The following VPS13B variants were observed in gnomAD, a reference collection of about 807,000 sequenced individuals.
The protein encoded by VPS13B is vacuolar protein sorting 13 homolog B.
A neutral mutation model predicts 426.4 loss-of-function variants in VPS13B; 285 were observed. The observed-to-expected ratio is 0.67, with a 90% CI of 0.61 to 0.74. VPS13B has a LOEUF of 0.74. Ranked by LOEUF, VPS13B falls within the 30% of genes least tolerant of loss-of-function variation. The pLI is 0.00. For synonymous variants in VPS13B, 1,676 were observed against 1,676.4 expected, an observed-to-expected ratio of 1.00 and a Z score of 0.01; for missense variants, 4,537 against 4,782.6, an observed-to-expected ratio of 0.95 and a Z score of 1.51.
At chr8:99,191,662 G>A (rs767565821) in intron 16 of VPS13B, among the ~76,000 whole-genome samples, 5 of 151,988 alleles carry the variant, frequency 3.3e-5, no homozygotes, top group African/African-American at 4.8e-5. Flanking sequence ...GATTACAGGT[G>A]TGAGCCACCG....
chr8:99,556,201 C>T (rs995352387), intron 30 of VPS13B, among the ~76,000 whole-genome samples: 130 of 152,092 alleles, frequency 8.5e-4, no homozygotes, highest in African/African-American at 2.7e-3. Flanking sequence ...AAAAGAGTAA[C>T]GTGCCAGGAA....
chr8:99,430,389 A>G (rs1401557061), intron 21 of VPS13B, among the ~76,000 whole-genome samples: 1 of 152,118 alleles, frequency 6.6e-6, no homozygotes, highest in Non-Finnish European at 1.5e-5. Flanking sequence ...TGATTTATTT[A>G]TTTTATGCTA....
intron 40 of VPS13B, among the ~76,000 whole-genome samples, chr8:99,769,310 A>C (rs1426113727): frequency 6.6e-6 from 1 of 152,258 alleles, no homozygotes; most frequent in Admixed American, 6.5e-5. Context: ...ATAAAACACT[A>C]TTAAGGATTA....
intron 33 of VPS13B, among the ~76,000 whole-genome samples, chr8:99,603,898 T>G (rs545570771): frequency 6.6e-6 from 1 of 152,276 alleles, no homozygotes; most frequent in African/African-American, 2.4e-5. Flanking sequence ...GCTTACAGGT[T>G]TGAGATGGGT....
intron 24 of VPS13B, among the ~76,000 whole-genome samples, chr8:99,478,479 T>G (rs1250925012): frequency 2.7e-5 from 4 of 147,402 alleles, no homozygotes; most frequent in Admixed American, 1.3e-4. Flanking sequence ...TTTTGTTTTT[T>G]TTTTTTTGCC....
chr8:99,721,949 T>C (rs1833149966), intron 39 of VPS13B, among the ~76,000 whole-genome samples: 1 of 152,238 alleles, frequency 6.6e-6, no homozygotes, highest in African/African-American at 2.4e-5. Context: ...GCTAAACTGA[T>C]ATTTTTTAAA....
chr8:99,366,751 A>G (rs1192064244), intron 19 of VPS13B, among the ~76,000 whole-genome samples: 1 of 150,620 alleles, frequency 6.6e-6, no homozygotes. Context: ...TTTTTTGTGT[A>G]TCTGTTGTAT....
intron 3 of VPS13B, among the ~76,000 whole-genome samples, chr8:99,040,178 AAC>A (rs1234413818): frequency 2.0e-5 from 3 of 152,196 alleles, no homozygotes; most frequent in African/African-American, 7.2e-5. Flanking sequence ...AACATGTTTT[AAC>A]AGAGGCAAAT....
chr8:99,028,924 G>A (rs1214096813), intron 2 of VPS13B, among the ~76,000 whole-genome samples: 4 of 122,770 alleles, frequency 3.3e-5, no homozygotes, highest in Admixed American at 2.3e-4. Context: ...GGGCGGAGAC[G>A]CTCCTCACTT....
intron 8 of VPS13B, among the ~76,000 whole-genome samples, chr8:99,122,536 G>A (rs889642974): frequency 1.3e-5 from 2 of 151,964 alleles, no homozygotes; most frequent in Non-Finnish European, 2.9e-5. Flanking sequence ...GTTCTTCTTT[G>A]ATCATATTTT....
At chr8:99,183,158 A>G (rs948823527) in intron 16 of VPS13B, among the ~76,000 whole-genome samples, 5 of 152,210 alleles carry the variant, frequency 3.3e-5, no homozygotes, top group African/African-American at 1.2e-4. Flanking sequence ...TTTTAATACA[A>G]AGATATGTCA....
intron 19 of VPS13B, among the ~76,000 whole-genome samples, chr8:99,358,273 A>G (rs1812299937): frequency 6.6e-6 from 1 of 152,198 alleles, no homozygotes; most frequent in South Asian, 2.1e-4. Flanking sequence ...TGAGAACTGA[A>G]TAAAAATGTT....
At chr8:99,871,820 G>C (rs1204465733) in intron 61 of VPS13B, 123 bp downstream of exon 61, 6 of 1,547,758 alleles carry the variant, frequency 3.9e-6, no homozygotes, top group South Asian at 1.1e-5. Context: ...AGACCAAGGA[G>C]AGCTGCTACC....
At chr8:99,401,858 C>T (rs1184237659) in intron 21 of VPS13B, among the ~76,000 whole-genome samples, 1 of 152,094 alleles carries the variant, frequency 6.6e-6, no homozygotes, top group East Asian at 1.9e-4. Context: ...GAGCGAGACT[C>T]CATCTCTAAA....
intron 19 of VPS13B, among the ~76,000 whole-genome samples, chr8:99,381,001 TA>T (rs1008627666): frequency 1.3e-5 from 2 of 152,116 alleles, no homozygotes; most frequent in Non-Finnish European, 1.5e-5. Flanking sequence ...ACCCAGGTAC[TA>T]AAAAATAAAC....
chr8:99,540,385 A>G (rs1823551243), intron 30 of VPS13B, among the ~76,000 whole-genome samples: 1 of 151,858 alleles, frequency 6.6e-6, no homozygotes, highest in Non-Finnish European at 1.5e-5. Context: ...CGGCCTAAGC[A>G]TTTCTATTTT....
chr8:99,815,169 C>A (rs960147095), intron 44 of VPS13B, among the ~76,000 whole-genome samples: 7 of 148,620 alleles, frequency 4.7e-5, no homozygotes, highest in Non-Finnish European at 1.0e-4. Context: ...TAAATTGACT[C>A]GTGATTATGA....
chr8:99,182,820 T>A (rs1391148620), intron 16 of VPS13B, among the ~76,000 whole-genome samples: 2 of 152,250 alleles, frequency 1.3e-5, no homozygotes, highest in Non-Finnish European at 2.9e-5. Flanking sequence ...CACTGCAACC[T>A]CTTTCTCCCA....
At chr8:99,438,055 T>G (rs1328963804) in intron 22 of VPS13B, among the ~76,000 whole-genome samples, 1 of 141,458 alleles carries the variant, frequency 7.1e-6, no homozygotes, top group Non-Finnish European at 1.5e-5. Flanking sequence ...TTTTTTTTTG[T>G]ACTCTCTGAG....
Sources: allele counts gnomAD v4.1 joint callset (sites outside exome capture counted in the v4.1 genomes callset), GRCh38; gene constraint gnomAD v4.1.1; transcripts MANE v1.5; gene names NCBI Gene and HGNC (gene_info 2026-07-23, HGNC 2026-07-21).